The following NXPE2 variants were observed in gnomAD, a reference collection of about 807,000 sequenced individuals.
The protein encoded by NXPE2 is NXPE family member 2.
NXPE2 carries 34 observed loss-of-function variants against 34.4 expected under a neutral mutation model. That is an observed-to-expected ratio of 0.99 (90% CI 0.75 to 1.31). The LOEUF is 1.31. NXPE2 is among the 40% of genes most tolerant of loss of function. NXPE2 has a pLI of 0.00. For missense variants in NXPE2, 649 were observed against 672.5 expected (o/e 0.97, Z 0.39); for synonymous variants, 235 against 231.3 (o/e 1.02, Z -0.15).
chr11:114,763,288 A>G, the NXPE2 span, among the ~76,000 whole-genome samples: 1 of 152,136 alleles, frequency 6.6e-6, no homozygotes, highest in East Asian at 1.9e-4. Context: ...TTAAAGTAAA[A>G]TTAATTTTTT....
At chr11:114,718,424 GC>G in the NXPE2 span, among the ~76,000 whole-genome samples, 1 of 152,140 alleles carries the variant, frequency 6.6e-6, no homozygotes, top group Admixed American at 6.5e-5. Context: ...TATACATCAT[GC>G]TCTTAGTTGA....
chr11:114,468,814 G>C, the NXPE2 span, among the ~76,000 whole-genome samples: 1 of 152,174 alleles, frequency 6.6e-6, no homozygotes, highest in Non-Finnish European at 1.5e-5. Flanking sequence ...TTTCAGGTAA[G>C]GAAATGGAGG....
chr11:114,813,451 A>G, the NXPE2 span, among the ~76,000 whole-genome samples: 1 of 152,222 alleles, frequency 6.6e-6, no homozygotes, highest in Non-Finnish European at 1.5e-5. Flanking sequence ...ATCTGATGGC[A>G]TCTGCGAGCT....
the NXPE2 span, among the ~76,000 whole-genome samples, chr11:114,786,818 G>GCC: frequency 2.0e-4 from 31 of 151,762 alleles, no homozygotes; most frequent in Middle Eastern, 3.4e-3. Flanking sequence ...GTTGGGAAGA[G>GCC]CCCCCCCATG....
chr11:114,576,914 A>G, the NXPE2 span, among the ~76,000 whole-genome samples: 1 of 150,026 alleles, frequency 6.7e-6, no homozygotes, highest in Non-Finnish European at 1.5e-5. Context: ...ACAATTTGCA[A>G]TTGCAAAAAT....
At chr11:114,582,747 C>T in the NXPE2 span, 2 of 1,614,166 alleles carry the variant, frequency 1.2e-6, no homozygotes, top group Non-Finnish European at 1.7e-6. Context: ...CAAGTGGTCC[C>T]TCACCTCCAG....
the NXPE2 span, among the ~76,000 whole-genome samples, chr11:114,804,149 G>C: frequency 6.6e-6 from 1 of 152,202 alleles, no homozygotes; most frequent in Non-Finnish European, 1.5e-5. Flanking sequence ...TCAGGTTGTT[G>C]TTTAAAGGTA....
the NXPE2 span, among the ~76,000 whole-genome samples, chr11:114,533,275 T>C: frequency 1.3e-5 from 2 of 152,142 alleles, no homozygotes; most frequent in Admixed American, 6.5e-5. Flanking sequence ...CTCAAAAGCA[T>C]TTAAATTATA....
the NXPE2 span, among the ~76,000 whole-genome samples, chr11:114,807,134 C>A: frequency 6.7e-6 from 1 of 150,040 alleles, no homozygotes; most frequent in African/African-American, 2.5e-5. Flanking sequence ...TACAGACAAG[C>A]AAATGCTGAG....
At chr11:114,602,263 AATATATATTAT>A in the NXPE2 span, among the ~76,000 whole-genome samples, 8 of 118,404 alleles carry the variant, frequency 6.8e-5, no homozygotes, top group South Asian at 1.9e-3. Context: ...TGTTATATAT[AATATATATTAT>A]ACTATATATA....
chr11:114,628,110 A>G, the NXPE2 span, among the ~76,000 whole-genome samples: 3 of 147,644 alleles, frequency 2.0e-5, no homozygotes, highest in South Asian at 6.7e-4. Context: ...AGACAGATCA[A>G]TGAGACAGAA....
chr11:114,522,259 A>T, the NXPE2 span: 1 of 1,614,080 alleles, frequency 6.2e-7, no homozygotes. Flanking sequence ...TGGCCCTGCG[A>T]ATAAAAATGT....
chr11:114,566,690 A>C, the NXPE2 span, among the ~76,000 whole-genome samples: 18 of 147,908 alleles, frequency 1.2e-4, no homozygotes, highest in East Asian at 3.5e-3. Flanking sequence ...ATGTAATATC[A>C]AGGGATTTCT....
At chr11:114,592,319 A>C in the NXPE2 span, among the ~76,000 whole-genome samples, 1 of 152,194 alleles carries the variant, frequency 6.6e-6, no homozygotes, top group Non-Finnish European at 1.5e-5. Context: ...TTAAAAACTC[A>C]GTAAAGTTGC....
the NXPE2 span, among the ~76,000 whole-genome samples, chr11:114,802,903 T>TA: frequency 0.66 from 99,378 of 151,156 alleles, 33,631 homozygotes; most frequent in Non-Finnish European, 0.75. Flanking sequence ...AAAAGATAAT[T>TA]AAAAAAAAAC....
At chr11:114,494,630 C>A in the NXPE2 span, among the ~76,000 whole-genome samples, 1 of 152,168 alleles carries the variant, frequency 6.6e-6, no homozygotes, top group Non-Finnish European at 1.5e-5. Flanking sequence ...TTTTGTTGAG[C>A]TTCCTTAAAA....
the NXPE2 span, among the ~76,000 whole-genome samples, chr11:114,738,873 G>A: frequency 6.6e-6 from 1 of 152,054 alleles, no homozygotes; most frequent in Non-Finnish European, 1.5e-5. Context: ...CCATTATGGA[G>A]TGGAATATTT....
chr11:114,547,303 C>T, the NXPE2 span, among the ~76,000 whole-genome samples: 27 of 152,258 alleles, frequency 1.8e-4, no homozygotes, highest in Admixed American at 1.3e-3. Context: ...CTTCCCTAAA[C>T]CCATGAATTC....
chr11:114,789,591 G>T, the NXPE2 span, among the ~76,000 whole-genome samples: 1 of 152,086 alleles, frequency 6.6e-6, no homozygotes, highest in East Asian at 1.9e-4. Flanking sequence ...ATAAACATCA[G>T]AGAAACAAAA....
Sources: gnomAD v4.1 joint callset for allele counts (sites outside exome capture counted in the v4.1 genomes callset) on GRCh38, gnomAD v4.1.1 for gene constraint, MANE v1.5 for transcripts, NCBI Gene and HGNC (gene_info 2026-07-23, HGNC 2026-07-21) for gene names.